AMBN: variants seen among roughly 807,000 people sequenced by gnomAD.
AMBN encodes the protein ameloblastin.
In AMBN, 54 loss-of-function variants were observed where a neutral mutation model predicts 48.0. That is an observed-to-expected ratio of 1.12 (90% CI 0.90 to 1.41). AMBN has a LOEUF of 1.41. Among genes scored for constraint, AMBN ranks in the 40% most tolerant of loss-of-function variants. The pLI is 0.00. For missense variants in AMBN, 571 were observed against 547.3 expected, an observed-to-expected ratio of 1.04 and a Z score of -0.43; for synonymous variants, 186 against 190.0, an observed-to-expected ratio of 0.98 and a Z score of 0.17.
Position 70,595,190 on chromosome 4 carries a change from C to CTA in AMBN, c.84+1796_84+1797insAT, listed in dbSNP as rs532890418. Among the ~76,000 whole-genome samples the CTA allele has an allele frequency of 8.3e-3, 991 of 119,060 alleles. 11 individuals are homozygous for CTA. Among genetic ancestry groups the CTA allele is most frequent in the African/African-American group, 0.029 (913 of 31,212 alleles). 78.1% of individuals were successfully genotyped at this position (119,060 alleles called of 152,430 possible). ...CATTTGTAATGCCTTTCCCTCTATTCTTTTTTTTTTTTTTTTTTTTACAGT... is the reference window on the plus strand; with the variant it reads ...CATTTGTAATGCCTTTCCCTCTATTCTATTTTTTTTTTTTTTTTTTTTACAGT... On this transcript the variant is annotated intron_variant, in intron 2 of 12. Transcript: ENST00000322937.
chr4:70,603,986 C>A, intron 12 of AMBN, 65 bp downstream of exon 12: 1 of 1,502,598 alleles, frequency 6.7e-7, no homozygotes, highest in Non-Finnish European at 9.2e-7. Flanking sequence ...TTATGACTGG[C>A]TGCAAGAGAC....
intron 12 of AMBN, among the ~76,000 whole-genome samples, chr4:70,605,711 C>T (rs969834862): frequency 6.6e-6 from 1 of 151,980 alleles, no homozygotes; most frequent in Non-Finnish European, 1.5e-5. Flanking sequence ...TCACTTGAGC[C>T]TAGGAGTTCT....
At chr4:70,596,951 G>A (rs1737396129) in intron 2 of AMBN, 48 bp from the exon 3 acceptor site, 1 of 1,561,018 alleles carries the variant, frequency 6.4e-7, no homozygotes, top group South Asian at 1.1e-5. Context: ...GGGCATTGAA[G>A]GAAGTTTTGT....
chr4:70,606,297 T>G lies in AMBN; in HGVS notation c.911T>G (p.Leu304Arg). 2 of 1,614,094 alleles carry G rather than the reference T, an allele frequency of 1.2e-6. No individual in the cohort carries two copies. The highest frequency in any genetic ancestry group is 1.7e-6 in the Non-Finnish European group (2 of 1,179,998). Residue 304 changes from leucine (L) to arginine (R), a missense_variant, in exon 13 of 13, where the codon CTG (leucine) becomes CGG (arginine). By Grantham distance (102) the Leu-to-Arg change is moderately radical. Coordinates refer to ENST00000322937, the MANE Select transcript of AMBN (RefSeq NM_016519.6). ...CCAGCTATGGGCGGTGACTTCACTC[T>G]GGAATTTGACTCCCCAGTGGCTGCC... Reference protein sequence around the residue: ...HNPAMGGDFTLEFDSPVAATK... With the variant: ...HNPAMGGDFTREFDSPVAATK...
chr4:70,602,894 CTT>C (rs1737556310), intron 8 of AMBN, 58 bp downstream of exon 8: 2 of 1,527,544 alleles, frequency 1.3e-6, no homozygotes, highest in Non-Finnish European at 1.8e-6. Context: ...TATTTGTTCA[CTT>C]TGTCTATCTT....
chr4:70,604,978 G>A (rs1263043520), intron 12 of AMBN, among the ~76,000 whole-genome samples: 1 of 140,392 alleles, frequency 7.1e-6, no homozygotes, highest in African/African-American at 2.7e-5. Flanking sequence ...GGGCAACAGA[G>A]CAAGACCCTG....
intron 3 of AMBN, among the ~76,000 whole-genome samples, chr4:70,597,950 G>A (rs1051288769): frequency 7.0e-6 from 1 of 143,558 alleles, no homozygotes; most frequent in Non-Finnish European, 1.5e-5. Context: ...AGTTTTATTT[G>A]TTTGTCTTGT....
At position 70,606,486 on chromosome 4, in the gene AMBN, G is replaced by A. The variant is rs1737655881; in HGVS notation, c.1100G>A (p.Ser367Asn). 1 of 1,614,054 alleles carries A rather than the reference G, an allele frequency of 6.2e-7. No homozygotes were observed. The highest frequency in any genetic ancestry group is 1.3e-5 in the African/African-American group (1 of 75,052). The change falls in exon 13 of 13, where the codon AGC (serine) becomes AAC (asparagine). Residue 367 changes from serine (S) to asparagine (N), a missense_variant. By Grantham distance (46) the Ser-to-Asn change is conservative. Transcript: ENST00000322937. The stretch of plus-strand genomic sequence containing the variant: ...GATGACATTCCCGGCCTGCCAAGGA[G>A]CCCTTCAGGGAAGATGAAGGGACTC... ...PKDDIPGLPR[S>N]PSGKMKGLPS...
intron 2 of AMBN, among the ~76,000 whole-genome samples, chr4:70,594,964 G>T (rs576415971): frequency 3.9e-5 from 6 of 152,116 alleles, no homozygotes; most frequent in Non-Finnish European, 8.8e-5. Flanking sequence ...ACTTAGAGCA[G>T]ATGGAAAGCA....
intron 5 of AMBN, among the ~76,000 whole-genome samples, chr4:70,600,170 G>A (rs972112986): frequency 6.6e-6 from 1 of 152,060 alleles, no homozygotes; most frequent in Admixed American, 6.6e-5. Context: ...AGCCAGGCAT[G>A]GTGGCAGGCA....
chr4:70,604,978 G>C (rs1263043520), intron 12 of AMBN, among the ~76,000 whole-genome samples: 1 of 140,394 alleles, frequency 7.1e-6, no homozygotes, highest in Admixed American at 7.4e-5. Context: ...GGGCAACAGA[G>C]CAAGACCCTG....
chr4:70,602,791 A>G lies in AMBN; in HGVS notation c.571-7A>G, dbSNP rs1208495235. ...ACTGATAATTTTAATATTTATCTAC[A>G]ATATAGCTCCCAGGAATGGATTTTC... is the stretch of plus-strand genomic sequence containing the variant. On this transcript the variant is annotated splice_polypyrimidine_tract_variant and splice_region_variant and intron_variant, in intron 7 of 12. Coordinates refer to ENST00000322937, the MANE Select transcript of AMBN (RefSeq NM_016519.6). 6.3e-7 allele frequency: 1 copy of G among 1,575,764 alleles called. No individual in the cohort carries two copies. Among genetic ancestry groups the G allele is most frequent in the African/African-American group, 1.4e-5 (1 of 73,182 alleles).
At position 70,597,029 on chromosome 4, in the gene AMBN, A is replaced by C; in HGVS notation, c.115A>C (p.Met39Leu). Reference protein sequence around the residue: ...FFPQQSGTPGMASLSLETMRQ... With the variant: ...FFPQQSGTPGLASLSLETMRQ... The stretch of plus-strand genomic sequence containing the variant: ...TCCTCAGCAATCTGGAACACCGGGT[A>C]TGGCTAGTTTGAGCCTTGAGGTATG... The change falls in exon 3 of 13, where the codon ATG (methionine) becomes CTG (leucine). Residue 39 changes from methionine (M) to leucine (L), a missense_variant. Physicochemically the swap from Met to Leu is conservative, Grantham distance 15. Transcript: ENST00000322937. The C allele has an allele frequency of 6.2e-7, 1 of 1,613,600 alleles. No homozygotes were observed. The highest frequency in any genetic ancestry group is 1.3e-5 in the African/African-American group (1 of 75,050).
intron 5 of AMBN, 36 bp downstream of exon 5, chr4:70,599,682 G>T (rs1335753468): frequency 1.3e-6 from 2 of 1,487,472 alleles, no homozygotes. Context: ...GAAACCTCAG[G>T]CTTTAAAACC....
At chr4:70,603,138 TA>T in intron 9 of AMBN, 121 bp from the exon 10 acceptor site, 1 of 1,339,246 alleles carries the variant, frequency 7.5e-7, no homozygotes, top group Non-Finnish European at 1.0e-6. Context: ...TTTGTTCTCT[TA>T]AATATTAAAT....
intron 5 of AMBN, among the ~76,000 whole-genome samples, chr4:70,601,060 G>A (rs1351251246): frequency 2.0e-5 from 3 of 152,178 alleles, no homozygotes; most frequent in Non-Finnish European, 2.9e-5. Context: ...TTGACTGGGG[G>A]ACAAAGATTT....
intron 6 of AMBN, 200 bp downstream of exon 6, chr4:70,601,854 C>A: frequency 1.5e-6 from 1 of 689,622 alleles, no homozygotes; most frequent in Non-Finnish European, 2.6e-6. Context: ...CCATCAGAGA[C>A]AGGGCATGGA....
chr4:70,597,937 A>C (rs1469192099), intron 3 of AMBN, among the ~76,000 whole-genome samples: 1 of 149,400 alleles, frequency 6.7e-6, no homozygotes, highest in Non-Finnish European at 1.5e-5. Flanking sequence ...GGAAAGAGGT[A>C]GAAGTTTTAT....
intron 1 of AMBN, 106 bp from the exon 2 acceptor site, chr4:70,593,221 T>G: frequency 1.2e-6 from 1 of 801,662 alleles, no homozygotes; most frequent in Middle Eastern, 2.5e-4. Flanking sequence ...TTTATCCCGG[T>G]GGTTTTTGTA....
Sources: gnomAD v4.1 joint callset for allele counts (sites outside exome capture counted in the v4.1 genomes callset) on GRCh38, gnomAD v4.1.1 for gene constraint, MANE v1.5 for transcripts, NCBI Gene and HGNC (gene_info 2026-07-23, HGNC 2026-07-21) for gene names.